The following KCTD2 variants were observed in gnomAD, a reference collection of about 807,000 sequenced individuals.
KCTD2 encodes potassium channel tetramerization domain containing 2.
In KCTD2, 18 loss-of-function variants were observed where a neutral mutation model predicts 27.9. The ratio of observed to expected loss-of-function variants is 0.64; its 90% confidence interval spans 0.45 to 0.96. The LOEUF (loss-of-function observed/expected upper bound fraction) is 0.96, where lower values mean the gene tolerates loss of function less well. Ranked by LOEUF, KCTD2 falls within the 40% of genes least tolerant of loss-of-function variation. The pLI, the probability that KCTD2 is intolerant of heterozygous loss-of-function variation, is 0.00. For synonymous variants in KCTD2, 175 were observed against 148.4 expected (o/e 1.18, Z -1.30); for missense variants, 280 against 348.0 (o/e 0.80, Z 1.56).
intron 2 of KCTD2, among the ~76,000 whole-genome samples, 157 bp from the exon 3 acceptor site, chr17:75,052,857 G>A (rs1406282294): frequency 6.6e-6 from 1 of 152,192 alleles, no homozygotes; most frequent in Admixed American, 6.5e-5. Context: ...TCGCACCACT[G>A]AACTCCAGCC....
intron 2 of KCTD2, among the ~76,000 whole-genome samples, chr17:75,050,584 T>G (rs1054821006): frequency 6.6e-6 from 1 of 152,144 alleles, no homozygotes; most frequent in Non-Finnish European, 1.5e-5. Context: ...GATATAGGCA[T>G]GCAGTGTGAA....
chr17:75,055,314 C>A (rs562011294), intron 3 of KCTD2, among the ~76,000 whole-genome samples: 18 of 152,074 alleles, frequency 1.2e-4, no homozygotes, highest in Middle Eastern at 3.4e-3. Flanking sequence ...CTCAGCCTCC[C>A]AAAGTGCTGG....
chr17:75,059,827 G>A (rs1037306905), intron 4 of KCTD2, among the ~76,000 whole-genome samples: 11 of 152,188 alleles, frequency 7.2e-5, no homozygotes, highest in African/African-American at 7.2e-5. Flanking sequence ...AGCTTCACAC[G>A]CAGACTTTCC....
intron 3 of KCTD2, among the ~76,000 whole-genome samples, chr17:75,053,886 A>C: frequency 2.5e-5 from 1 of 39,828 alleles, no homozygotes; most frequent in African/African-American, 1.9e-4. Context: ...TTTTTTTTTG[A>C]GACAGAGTCT....
intron 3 of KCTD2, among the ~76,000 whole-genome samples, chr17:75,053,857 GCTTTTTTTTTTT>G (rs1249004737): frequency 1.3e-5 from 1 of 79,532 alleles, no homozygotes; most frequent in Non-Finnish European, 2.1e-5. Context: ...TGTGAACCAT[GCTTTTTTTTTTT>G]TTTTTTTTTT....
chr17:75,055,114 G>T (rs1380864049), intron 3 of KCTD2, among the ~76,000 whole-genome samples: 1 of 151,974 alleles, frequency 6.6e-6, no homozygotes, highest in South Asian at 2.1e-4. Context: ...GAGTGCAGTG[G>T]CATGATCTCG....
intron 3 of KCTD2, among the ~76,000 whole-genome samples, chr17:75,053,353 C>T (rs1296396411): frequency 6.6e-6 from 1 of 152,180 alleles, no homozygotes. Flanking sequence ...GGAGGAGGCG[C>T]CCAGGGCACT....
At chr17:75,052,971 A>G in intron 2 of KCTD2, 43 bp from the exon 3 acceptor site, 1 of 1,459,344 alleles carries the variant, frequency 6.9e-7, no homozygotes, top group Non-Finnish European at 9.6e-7. Context: ...TTTTTCTGGC[A>G]AACCCTCGCA....
chr17:75,062,835 C>T (rs1039553829), intron 5 of KCTD2, among the ~76,000 whole-genome samples, 183 bp from the exon 6 acceptor site: 1 of 152,048 alleles, frequency 6.6e-6, no homozygotes, highest in African/African-American at 2.4e-5. Flanking sequence ...TTAGACCCAG[C>T]TGTGCCCAGC....
chr17:75,049,463 A>G (rs2073263279), intron 2 of KCTD2, 135 bp downstream of exon 2: 3 of 584,070 alleles, frequency 5.1e-6, no homozygotes, highest in African/African-American at 3.7e-5. Context: ...GAAACAGAGC[A>G]GAAACTACCA....
Position 75,063,066 on chromosome 17 carries a change from C to G in KCTD2, c.*19C>G, listed in dbSNP as rs1284848311. ...GATGTAAACTAAGACCCCGAAAACT[C>G]CAGACCTTCAGGAGAGCAGTCAGCA... On this transcript the variant is annotated 3_prime_UTR_variant, in exon 6 of 6. Transcript: ENST00000322444. The G allele has an allele frequency of 1.2e-6, 2 of 1,613,060 alleles. No homozygotes were observed. The highest frequency in any genetic ancestry group is 1.7e-6 in the Non-Finnish European group (2 of 1,179,256).
rs564053950 is a variant in KCTD2, at chr17:75,059,291, C to G, written c.541-219C>G. ...GTTTTTATTGAAAAGCCACAGTATG[C>G]TGGCTTGTGGTCACTTAAAAAGAAA... On this transcript the variant is annotated intron_variant, in intron 3 of 5. Coordinates refer to ENST00000322444, the MANE Select transcript of KCTD2 (RefSeq NM_015353.3). 4 of 370,190 alleles carry G rather than the reference C, an allele frequency of 1.1e-5. No individual in the cohort carries two copies. In the South Asian group the frequency reaches 3.5e-4, roughly 32 times the overall value. 22.9% of individuals were successfully genotyped at this position (370,190 alleles called of 1,614,324 possible). A position where few individuals can be genotyped will look rare whatever the true frequency, so the allele number is the denominator to read the frequency against.
chr17:75,053,393 T>C (rs907150298), intron 3 of KCTD2, among the ~76,000 whole-genome samples: 2 of 151,898 alleles, frequency 1.3e-5, no homozygotes, highest in Admixed American at 1.3e-4. Context: ...TCTGCCCGAG[T>C]ATGTCTCCCT....
intron 4 of KCTD2, among the ~76,000 whole-genome samples, chr17:75,061,543 A>G (rs2073403872): frequency 6.6e-6 from 1 of 152,160 alleles, no homozygotes; most frequent in African/African-American, 2.4e-5. Flanking sequence ...CCAGCTACTC[A>G]GGAGGCTGAC....
chr17:75,047,240 G>A lies in KCTD2; in HGVS notation c.-11G>A. The A allele has an allele frequency of 2.2e-6, 2 of 920,668 alleles. No individual in the cohort carries two copies. The highest frequency in any genetic ancestry group is 4.3e-5 in the Admixed American group (1 of 23,200). 57.0% of individuals were successfully genotyped at this position (920,668 alleles called of 1,614,324 possible). On this transcript the variant is annotated 5_prime_UTR_variant, in exon 1 of 6. Transcript: ENST00000322444. ...GCGCGCGGGCAGCAGCGGTGGCGGC[G>A]GCGGTCCAAGATGGCGGAACTGCAG...
intron 2 of KCTD2, among the ~76,000 whole-genome samples, chr17:75,052,290 A>G (rs936124975): frequency 6.6e-6 from 1 of 152,262 alleles, no homozygotes; most frequent in Non-Finnish European, 1.5e-5. Context: ...TTGCATTTAA[A>G]TAATGCAGTT....
At chr17:75,057,809 C>T (rs1223257203) in intron 3 of KCTD2, among the ~76,000 whole-genome samples, 2 of 151,960 alleles carry the variant, frequency 1.3e-5, no homozygotes, top group African/African-American at 2.4e-5. Context: ...GATCCGCCCA[C>T]CTCGGTCTCC....
chr17:75,044,229 CG>C (rs1346677425), upstream of KCTD2, among the ~76,000 whole-genome samples: 363 of 82,174 alleles, frequency 4.4e-3, 2 homozygotes, highest in African/African-American at 0.021. Flanking sequence ...GACGGAGTCT[CG>C]CTCTGTCGCC....
chr17:75,042,861 A>AT, upstream of KCTD2, among the ~76,000 whole-genome samples: 1 of 151,926 alleles, frequency 6.6e-6, no homozygotes, highest in Middle Eastern at 3.2e-3. Context: ...AGCCTGGGAG[A>AT]CACAGCAAGA....
Sources: allele counts gnomAD v4.1 joint callset (sites outside exome capture counted in the v4.1 genomes callset), GRCh38; gene constraint gnomAD v4.1.1; transcripts MANE v1.5; gene names NCBI Gene and HGNC (gene_info 2026-07-23, HGNC 2026-07-21).